DCAF1: variants seen among roughly 807,000 people sequenced by gnomAD.
The protein encoded by DCAF1 is DDB1- and CUL4-associated factor 1.
A neutral mutation model predicts 128.0 loss-of-function variants in DCAF1; 15 were observed. The observed-to-expected ratio is 0.12, with a 90% CI of 0.08 to 0.18. The LOEUF (loss-of-function observed/expected upper bound fraction) is 0.18, where lower values mean the gene tolerates loss of function less well. Among genes scored for constraint, DCAF1 ranks in the 10% least tolerant of loss-of-function variants. The pLI, the probability that DCAF1 is intolerant of heterozygous loss-of-function variation, is 1.00. For synonymous variants in DCAF1, 610 were observed against 603.0 expected, an observed-to-expected ratio of 1.01 and a Z score of -0.17; for missense variants, 988 against 1,649.5, an observed-to-expected ratio of 0.60 and a Z score of 6.95.
Position 51,441,022 on chromosome 3 carries a change from T to A in DCAF1, c.1076A>T (p.Tyr359Phe), listed in dbSNP as rs782790574. The change falls in exon 9 of 25, where the codon TAT becomes TTT. Residue 359 changes from tyrosine (Y) to phenylalanine (F), a missense_variant. Transcript: ENST00000684031. ...QLGSRELMMF[Y>F]IDLKQTNDVL... ...ATCATTAGTTTGCTTCAGGTCAATA[T>A]AGAACATCATCAGCTCCCGTGATCC... 123 of 1,613,030 alleles carry A rather than the reference T, an allele frequency of 7.6e-5. No homozygotes were observed. Among genetic ancestry groups the A allele is most frequent in the Non-Finnish European group, 1.0e-4 (119 of 1,179,570 alleles).
At chr3:51,465,239 G>A (rs1040576541) in intron 5 of DCAF1, among the ~76,000 whole-genome samples, 7 of 152,130 alleles carry the variant, frequency 4.6e-5, no homozygotes, top group South Asian at 2.1e-4. Flanking sequence ...GCTTGGAGGC[G>A]TAAAGGACAC....
At chr3:51,418,058 A>AG (rs1298483963) in intron 17 of DCAF1, 58 bp downstream of exon 17, 4 of 1,550,796 alleles carry the variant, frequency 2.6e-6, no homozygotes, top group African/African-American at 1.4e-5. Context: ...AACCAAATGA[A>AG]GGGGGGTATA....
At chr3:51,447,002 A>AATAATAAT (rs1701937461) in intron 6 of DCAF1, among the ~76,000 whole-genome samples, 4 of 49,060 alleles carry the variant, frequency 8.2e-5, no homozygotes, top group African/African-American at 2.3e-4. Flanking sequence ...ATAATAATAA[A>AATAATAAT]ATGTTTTAAA....
chr3:51,428,876 A>G (rs1553634777), intron 12 of DCAF1, among the ~76,000 whole-genome samples: 4 of 152,056 alleles, frequency 2.6e-5, no homozygotes, highest in African/African-American at 9.7e-5. Flanking sequence ...GTGTGCCTAT[A>G]GTCCCCCAAC....
chr3:51,442,459 A>T (rs1005253283), intron 7 of DCAF1, among the ~76,000 whole-genome samples: 3 of 152,252 alleles, frequency 2.0e-5, no homozygotes, highest in Middle Eastern at 6.8e-3. Context: ...GTAATTTGGG[A>T]GGCCAAGATG....
At chr3:51,422,499 G>C (rs1699495618) in intron 13 of DCAF1, 68 bp from the exon 14 acceptor site, 2 of 710,252 alleles carry the variant, frequency 2.8e-6, no homozygotes, top group East Asian at 2.7e-5. Flanking sequence ...GACAGAGAGA[G>C]AGACACACAG....
At chr3:51,496,860 A>G (rs1577344465) in intron 1 of DCAF1, among the ~76,000 whole-genome samples, 80 bp from the exon 2 acceptor site, 1 of 152,194 alleles carries the variant, frequency 6.6e-6, no homozygotes, top group African/African-American at 2.4e-5. Context: ...GCCTCAAGAA[A>G]TACTTATGTA....
At position 51,455,994 on chromosome 3, in the gene DCAF1, G is replaced by C. The variant is rs139525647; in HGVS notation, c.375+7120C>G. Among the ~76,000 whole-genome samples, 1,425 of 152,282 alleles carry C rather than the reference G, an allele frequency of 9.4e-3. 25 individuals carry two copies. The highest frequency in any genetic ancestry group is 0.032 in the African/African-American group (1,312 of 41,556). ...CCCAGTGCGAGCAACACAGAAGACGGGTGATTTCTGCATTTCCAACTGAGC... is the reference window on the plus strand; with the variant it reads ...CCCAGTGCGAGCAACACAGAAGACGCGTGATTTCTGCATTTCCAACTGAGC... On this transcript the variant is annotated intron_variant, in intron 6 of 24. Transcript: ENST00000684031.
At chr3:51,487,070 C>A (rs1170813680) in intron 2 of DCAF1, among the ~76,000 whole-genome samples, 1 of 151,876 alleles carries the variant, frequency 6.6e-6, no homozygotes, top group African/African-American at 2.4e-5. Context: ...CGGATTCAAG[C>A]GAGCGATTCT....
At chr3:51,454,218 T>C (rs934676440) in intron 6 of DCAF1, among the ~76,000 whole-genome samples, 1 of 152,056 alleles carries the variant, frequency 6.6e-6, no homozygotes, top group Non-Finnish European at 1.5e-5. Flanking sequence ...AATGATTTAT[T>C]TTTGTAGAGC....
At chr3:51,443,589 C>CAAA (rs369157750) in intron 7 of DCAF1, among the ~76,000 whole-genome samples, 177 bp downstream of exon 7, 1 of 118,444 alleles carries the variant, frequency 8.4e-6, no homozygotes, top group Non-Finnish European at 1.8e-5. Context: ...GACTCCGTCT[C>CAAA]AAAAAAAAAA....
intron 23 of DCAF1, among the ~76,000 whole-genome samples, chr3:51,411,484 C>T (rs1016649591): frequency 1.3e-5 from 2 of 152,184 alleles, no homozygotes; most frequent in Admixed American, 1.3e-4. Context: ...TACTGACACA[C>T]CACACAGGCA....
At chr3:51,483,870 C>T in intron 2 of DCAF1, 34 bp from the exon 3 acceptor site, 1 of 1,422,586 alleles carries the variant, frequency 7.0e-7, no homozygotes, top group Non-Finnish European at 9.9e-7. Context: ...AAAAAGACAA[C>T]CAATAAATGA....
At chr3:51,466,735 C>A in intron 5 of DCAF1, 68 bp downstream of exon 5, 1 of 1,538,932 alleles carries the variant, frequency 6.5e-7, no homozygotes, top group East Asian at 2.3e-5. Context: ...AAACTATTCA[C>A]GAAAAAACAA....
At chr3:51,455,544 T>C (rs1467102727) in intron 6 of DCAF1, among the ~76,000 whole-genome samples, 1 of 152,038 alleles carries the variant, frequency 6.6e-6, no homozygotes, top group Non-Finnish European at 1.5e-5. Flanking sequence ...AGGTCAAGGC[T>C]GCAGTGAGCC....
chr3:51,430,472 T>G (rs1700269284), intron 10 of DCAF1, among the ~76,000 whole-genome samples: 1 of 152,226 alleles, frequency 6.6e-6, no homozygotes, highest in Non-Finnish European at 1.5e-5. Flanking sequence ...TTTACATCAT[T>G]TAATGCTCAC....
chr3:51,451,066 A>ATTTTTT (rs1559527264), intron 6 of DCAF1, among the ~76,000 whole-genome samples: 2 of 32,758 alleles, frequency 6.1e-5, no homozygotes, highest in African/African-American at 1.0e-4. Context: ...TAAAAAGGAA[A>ATTTTTT]TTCTTTTTTT....
upstream of DCAF1, among the ~76,000 whole-genome samples, chr3:51,502,118 C>T (rs751899819): frequency 1.3e-5 from 2 of 152,154 alleles, no homozygotes; most frequent in African/African-American, 4.8e-5. Context: ...ATGGTCTAGC[C>T]GGCCCAGTGG....
chr3:51,465,385 G>A lies in DCAF1; in HGVS notation c.261+1418C>T, dbSNP rs987860624. On this transcript the variant is annotated intron_variant, in intron 5 of 24. Transcript: ENST00000684031. Reference sequence around the variant, plus strand: ...AGAAGGAAATGTCTAGAAGTGATCTGAAACTAAGAAAGAGACAATGGTGAT... The same window carrying A: ...AGAAGGAAATGTCTAGAAGTGATCTAAAACTAAGAAAGAGACAATGGTGAT... Among the ~76,000 whole-genome samples the A allele has an allele frequency of 4.6e-5, 7 of 152,300 alleles. No individual in the cohort carries two copies. The East Asian group carries it at 1.4e-3, about 29-fold the overall frequency.
Sources: allele counts gnomAD v4.1 joint callset (sites outside exome capture counted in the v4.1 genomes callset), GRCh38; gene constraint gnomAD v4.1.1; transcripts MANE v1.5; gene names NCBI Gene and HGNC (gene_info 2026-07-23, HGNC 2026-07-21).